The following FOXN3 variants were observed in gnomAD, a reference collection of about 807,000 sequenced individuals.
FOXN3 encodes forkhead box N3, also known as forkhead box protein N3.
A neutral mutation model predicts 38.4 loss-of-function variants in FOXN3; 7 were observed. The ratio of observed to expected loss-of-function variants is 0.18; its 90% CI spans 0.10 to 0.34. The LOEUF (loss-of-function observed/expected upper bound fraction) is 0.34. FOXN3 is among the 10% of genes least tolerant of loss of function. FOXN3 has a pLI of 1.00. For synonymous variants in FOXN3, 230 were observed against 242.2 expected, an observed-to-expected ratio of 0.95 and a Z score of 0.47; for missense variants, 456 against 613.4, an observed-to-expected ratio of 0.74 and a Z score of 2.71.
In FOXN3 at chr14:89,527,099, GAA is replaced by G. The variant is rs1371232601; in HGVS notation, c.-15+91927_-15+91928del. 6.6e-5 allele frequency among the ~76,000 whole-genome samples: 10 copies of G among 151,008 alleles called. No individual in the cohort carries two copies. The East Asian group carries it at 1.6e-3, about 24-fold the overall frequency. Reference sequence around the variant, plus strand: ...GGGAGGAGAGGAGGAGGAAGGGGAGGAAAGGAGAAACAGGATGAGGGGGTGAA... The same window carrying G: ...GGGAGGAGAGGAGGAGGAAGGGGAGGAGGAGAAACAGGATGAGGGGGTGAA... On this transcript the variant is annotated intron_variant, in intron 1 of 6. Transcript: ENST00000345097.
intron 4 of FOXN3, among the ~76,000 whole-genome samples, chr14:89,224,855 G>A (rs1431569216): frequency 6.6e-6 from 1 of 152,174 alleles, no homozygotes; most frequent in East Asian, 1.9e-4. Flanking sequence ...TTAAGGACGG[G>A]TGTGGTGGCT....
chr14:89,498,104 GT>G (rs1440123715), intron 1 of FOXN3, among the ~76,000 whole-genome samples: 2 of 148,924 alleles, frequency 1.3e-5, no homozygotes, highest in African/African-American at 5.0e-5. Flanking sequence ...GAGTTAGGTT[GT>G]TCTTTTAGGA....
chr14:89,415,846 C>CCACACACACACACACACA (rs1891687068), intron 1 of FOXN3, among the ~76,000 whole-genome samples: 1 of 47,498 alleles, frequency 2.1e-5, no homozygotes, highest in African/African-American at 8.6e-5. Flanking sequence ...CAACTTTTCT[C>CCACACACACACACACACA]TACACACACA....
intron 4 of FOXN3, among the ~76,000 whole-genome samples, chr14:89,245,564 T>G (rs375759667): frequency 2.2e-4 from 33 of 152,262 alleles, no homozygotes; most frequent in African/African-American, 7.2e-4. Flanking sequence ...TTCCCCCTCA[T>G]TTATATCGTT....
chr14:89,524,531 G>T (rs1289580966), intron 1 of FOXN3, among the ~76,000 whole-genome samples: 1 of 151,006 alleles, frequency 6.6e-6, no homozygotes, highest in African/African-American at 2.4e-5. Flanking sequence ...AACAAAAGCT[G>T]GTTCCTTGGG....
intron 1 of FOXN3, among the ~76,000 whole-genome samples, chr14:89,461,601 CATA>C (rs1485313983): frequency 6.6e-6 from 1 of 152,046 alleles, no homozygotes; most frequent in African/African-American, 2.4e-5. Flanking sequence ...CAATTTGAAA[CATA>C]ATAATAAAAA....
intron 3 of FOXN3, among the ~76,000 whole-genome samples, chr14:89,322,645 AG>A (rs1887929643): frequency 6.6e-6 from 1 of 152,182 alleles, no homozygotes; most frequent in Non-Finnish European, 1.5e-5. Context: ...GAGTCATATG[AG>A]GTGCTTCTCT....
intron 1 of FOXN3, among the ~76,000 whole-genome samples, chr14:89,616,487 C>T (rs1317944198): frequency 6.6e-6 from 1 of 152,066 alleles, no homozygotes; most frequent in Non-Finnish European, 1.5e-5. Flanking sequence ...TCCCAAAGTA[C>T]CAGGCAATCT....
chr14:89,431,884 T>A (rs1258670596), intron 1 of FOXN3, among the ~76,000 whole-genome samples: 1 of 152,124 alleles, frequency 6.6e-6, no homozygotes, highest in Admixed American at 6.5e-5. Flanking sequence ...CCAGCTAATT[T>A]TTGTATTTTT....
chr14:89,288,675 T>G (rs2401817), intron 3 of FOXN3, among the ~76,000 whole-genome samples: 16,290 of 60,974 alleles, frequency 0.27, 2,227 homozygotes, highest in South Asian at 0.31. Flanking sequence ...TCTCTTTCTC[T>G]CTCTCTCTCT....
At chr14:89,365,643 C>T (rs1890117700) in intron 2 of FOXN3, among the ~76,000 whole-genome samples, 1 of 152,158 alleles carries the variant, frequency 6.6e-6, no homozygotes, top group South Asian at 2.1e-4. Flanking sequence ...TCTGAAACCT[C>T]ATCGCATGAC....
intron 4 of FOXN3, among the ~76,000 whole-genome samples, chr14:89,205,550 C>T (rs1456624181): frequency 6.6e-6 from 1 of 152,238 alleles, no homozygotes; most frequent in Non-Finnish European, 1.5e-5. Flanking sequence ...AACACATCGA[C>T]CGACACCAAC....
At chr14:89,448,788 A>C (rs1053350434) in intron 1 of FOXN3, among the ~76,000 whole-genome samples, 18 of 151,858 alleles carry the variant, frequency 1.2e-4, no homozygotes, top group African/African-American at 3.6e-4. Context: ...AAAAAATACA[A>C]AAACTAGCCA....
At chr14:89,303,055 T>G (rs2139948773) in intron 3 of FOXN3, among the ~76,000 whole-genome samples, 1 of 152,354 alleles carries the variant, frequency 6.6e-6, no homozygotes, top group South Asian at 2.1e-4. Flanking sequence ...CCTGGCTCCC[T>G]GTGACCTGTG....
chr14:89,593,197 G>A (rs1895993987), intron 1 of FOXN3, among the ~76,000 whole-genome samples: 1 of 145,942 alleles, frequency 6.9e-6, no homozygotes, highest in African/African-American at 2.5e-5. Flanking sequence ...AGGAGGGAAG[G>A]CAGGAGAGAG....
chr14:89,388,316 T>C (rs1890847981), intron 2 of FOXN3, among the ~76,000 whole-genome samples: 2 of 152,086 alleles, frequency 1.3e-5, no homozygotes, highest in Non-Finnish European at 2.9e-5. Context: ...GTAATGACAG[T>C]GCCCAGGCTA....
At chr14:89,348,832 G>A (rs768112394) in intron 3 of FOXN3, among the ~76,000 whole-genome samples, 1 of 152,222 alleles carries the variant, frequency 6.6e-6, no homozygotes, top group South Asian at 2.1e-4. Context: ...AATGCCTCTC[G>A]CCTGAATATG....
rs1282885912 is a variant in FOXN3 at position 89,417,118 on chromosome 14, C to T, written c.-262G>A. On this transcript the variant is annotated 5_prime_UTR_variant, in exon 1 of 6. Transcript: ENST00000557258. Reference sequence around the variant, plus strand: ...CGCGCCGCGCGTCCTCCCGCCGGCCCCGCCGCTCTCCCCGCCCCGTCCCGC... The same window carrying T: ...CGCGCCGCGCGTCCTCCCGCCGGCCTCGCCGCTCTCCCCGCCCCGTCCCGC... 2 of 144,536 alleles carry T rather than the reference C, an allele frequency of 1.4e-5. No individual in the cohort carries two copies. The highest frequency in any genetic ancestry group is 4.9e-5 in the African/African-American group (2 of 40,424). 9.0% of individuals were successfully genotyped at this position (144,536 alleles called of 1,614,324 possible). A position where few individuals can be genotyped will look rare whatever the true frequency, so the allele number is the denominator to read the frequency against.
At chr14:89,396,762 G>A (rs574264385) in intron 2 of FOXN3, among the ~76,000 whole-genome samples, 1 of 151,658 alleles carries the variant, frequency 6.6e-6, no homozygotes, top group Admixed American at 6.6e-5. Context: ...AAACCAGAAG[G>A]CGGAGGTTGC....
Sources: gnomAD v4.1 joint callset for allele counts (sites outside exome capture counted in the v4.1 genomes callset) on GRCh38, gnomAD v4.1.1 for gene constraint, MANE v1.5 for transcripts, NCBI Gene and HGNC (gene_info 2026-07-23, HGNC 2026-07-21) for gene names.